Variants in DPP6 observed in about 807,000 individuals in gnomAD.
DPP6 encodes A-type potassium channel modulatory protein DPP6.
In DPP6, 69 loss-of-function variants were observed where a neutral mutation model predicts 122.6. The observed-to-expected ratio is 0.56, with a 90% CI of 0.46 to 0.69. The LOEUF (loss-of-function observed/expected upper bound fraction) is 0.69, where lower values mean the gene tolerates loss of function less well. Ranked by LOEUF, DPP6 falls within the 30% of genes least tolerant of loss-of-function variation. DPP6 has a pLI of 0.00. For synonymous variants in DPP6, 418 were observed against 433.1 expected (o/e 0.97, Z 0.43); for missense variants, 928 against 1,116.9 (o/e 0.83, Z 2.41).
chr7:154,668,351 G>A (rs185889902), intron 6 of DPP6, among the ~76,000 whole-genome samples: 1,529 of 150,154 alleles, frequency 0.01, 20 homozygotes, highest in African/African-American at 0.035. Flanking sequence ...CTCCCAAGTA[G>A]CTGGGACTAC....
intron 8 of DPP6, among the ~76,000 whole-genome samples, chr7:154,752,572 C>G (rs1441407722): frequency 6.6e-6 from 1 of 152,160 alleles, no homozygotes; most frequent in Non-Finnish European, 1.5e-5. Context: ...AGGCTGCTGG[C>G]CTCCTGGTCT....
intron 1 of DPP6, among the ~76,000 whole-genome samples, chr7:154,257,209 G>A (rs1029386356): frequency 2.0e-5 from 3 of 151,698 alleles, no homozygotes; most frequent in African/African-American, 4.8e-5. Flanking sequence ...GGCTGGTCTC[G>A]TGCTCCTGCC....
chr7:154,081,242 T>C (rs139822916), intron 1 of DPP6, among the ~76,000 whole-genome samples: 8,322 of 150,128 alleles, frequency 0.055, 233 homozygotes, highest in South Asian at 0.071. Flanking sequence ...GGGGGATGAG[T>C]GTGCTTGGTA....
the DPP6 span, among the ~76,000 whole-genome samples, chr7:153,809,130 G>A: frequency 1.8e-4 from 27 of 152,078 alleles, no homozygotes; most frequent in Admixed American, 8.5e-4. Context: ...TTTGATTTGC[G>A]TTTCCCTGAT....
chr7:154,154,551 C>T (rs1163149502), intron 1 of DPP6, among the ~76,000 whole-genome samples: 1 of 152,152 alleles, frequency 6.6e-6, no homozygotes, highest in South Asian at 2.1e-4. Flanking sequence ...CCATTTGAAC[C>T]CCTGAAGCCT....
intron 1 of DPP6, among the ~76,000 whole-genome samples, chr7:154,171,949 C>T (rs1482005337): frequency 6.6e-6 from 1 of 152,140 alleles, no homozygotes; most frequent in East Asian, 1.9e-4. Context: ...GTTTTCCTGA[C>T]TAACGTTATG....
chr7:153,803,091 C>G, the DPP6 span, among the ~76,000 whole-genome samples: 1 of 151,764 alleles, frequency 6.6e-6, no homozygotes, highest in South Asian at 2.1e-4. Context: ...GCTCACAAGG[C>G]CCTGGTAACC....
chr7:153,844,566 G>A, the DPP6 span, among the ~76,000 whole-genome samples: 4 of 152,110 alleles, frequency 2.6e-5, no homozygotes, highest in Admixed American at 6.5e-5. Context: ...ATTTTAACAT[G>A]TCAGGAAAAG....
At chr7:153,875,924 CA>C in the DPP6 span, among the ~76,000 whole-genome samples, 47 of 126,948 alleles carry the variant, frequency 3.7e-4, no homozygotes, top group Admixed American at 7.3e-4. Context: ...ATATGAGGAC[CA>C]AAAAAAAAAA....
chr7:154,479,205 C>T (rs2151360149), intron 3 of DPP6, among the ~76,000 whole-genome samples: 1 of 152,286 alleles, frequency 6.6e-6, no homozygotes, highest in South Asian at 2.1e-4. Flanking sequence ...TTGTAGACTT[C>T]CTTACTTGTT....
At chr7:153,963,531 C>A (rs560489110) in intron 1 of DPP6, among the ~76,000 whole-genome samples, 2 of 150,250 alleles carry the variant, frequency 1.3e-5, no homozygotes, top group African/African-American at 4.9e-5. Flanking sequence ...AAGTCCCCAA[C>A]CCCTGGGCTG....
At chr7:154,552,571 C>CA (rs1829715696) in intron 4 of DPP6, among the ~76,000 whole-genome samples, 1 of 152,198 alleles carries the variant, frequency 6.6e-6, no homozygotes, top group South Asian at 2.1e-4. Context: ...CTGGATGGTC[C>CA]ATGGAGGTCA....
At chr7:154,207,317 A>T (rs1488859010) in intron 1 of DPP6, among the ~76,000 whole-genome samples, 2 of 152,244 alleles carry the variant, frequency 1.3e-5, no homozygotes, top group Non-Finnish European at 2.9e-5. Context: ...GTAGTAAAAA[A>T]GTGCAATATT....
intron 2 of DPP6, among the ~76,000 whole-genome samples, chr7:154,452,918 A>G (rs1225317109): frequency 2.0e-5 from 3 of 152,192 alleles, no homozygotes; most frequent in South Asian, 2.1e-4. Context: ...GTCCCTTTCA[A>G]TGTTGTCATT....
intron 10 of DPP6, among the ~76,000 whole-genome samples, chr7:154,776,404 A>T (rs1337681985): frequency 6.6e-6 from 1 of 152,036 alleles, no homozygotes; most frequent in East Asian, 1.9e-4. Context: ...GATCAAATAT[A>T]TGGTTCCCAC....
At chr7:153,981,837 A>AT (rs1011881520) in intron 1 of DPP6, among the ~76,000 whole-genome samples, 99 of 145,884 alleles carry the variant, frequency 6.8e-4, no homozygotes, top group Middle Eastern at 7.0e-3. Context: ...TCTGGGTTGA[A>AT]TTTTTTTTTT....
intron 3 of DPP6, among the ~76,000 whole-genome samples, chr7:154,488,452 CA>C (rs112687143): frequency 0.096 from 13,585 of 141,326 alleles, 1,835 homozygotes; most frequent in African/African-American, 0.31. Flanking sequence ...GACTCTGTCT[CA>C]AAAAAAAAAA....
At chr7:154,153,308 C>G (rs1358215225) in intron 1 of DPP6, among the ~76,000 whole-genome samples, 1 of 152,146 alleles carries the variant, frequency 6.6e-6, no homozygotes, top group African/African-American at 2.4e-5. Context: ...GCCTCAGCCT[C>G]CTAAGTAGCA....
the DPP6 span, among the ~76,000 whole-genome samples, chr7:153,823,107 T>C: frequency 6.6e-6 from 1 of 151,950 alleles, no homozygotes; most frequent in African/African-American, 2.4e-5. Context: ...CCCTTTGCCC[T>C]CAGCTTCCCT....
Sources: gnomAD v4.1 joint callset for allele counts (sites outside exome capture counted in the v4.1 genomes callset) on GRCh38, gnomAD v4.1.1 for gene constraint, MANE v1.5 for transcripts, NCBI Gene and HGNC (gene_info 2026-07-23, HGNC 2026-07-21) for gene names.